SCHIP1: variants seen among roughly 807,000 people sequenced by gnomAD.
SCHIP1 encodes the protein schwannomin-interacting protein 1.
SCHIP1 carries 8 observed loss-of-function variants against 29.7 expected under a neutral mutation model. The observed-to-expected ratio is 0.27, with a 90% CI of 0.16 to 0.49. The LOEUF (loss-of-function observed/expected upper bound fraction) is 0.49, where lower values mean the gene tolerates loss of function less well. SCHIP1 is among the 20% of genes least tolerant of loss of function. SCHIP1 has a pLI of 0.99. For synonymous variants in SCHIP1, 76 were observed against 94.9 expected (o/e 0.80, Z 1.16); for missense variants, 193 against 294.6 (o/e 0.66, Z 2.52).
chr3:159,826,711 A>G, the SCHIP1 span, among the ~76,000 whole-genome samples: 1 of 152,252 alleles, frequency 6.6e-6, no homozygotes, highest in African/African-American at 2.4e-5. Context: ...GCTGAAACTC[A>G]GAAGGACTGC....
chr3:159,288,064 G>A, the SCHIP1 span, among the ~76,000 whole-genome samples: 2 of 152,196 alleles, frequency 1.3e-5, no homozygotes, highest in South Asian at 2.1e-4. Context: ...TATGGTGTCC[G>A]ATTTGATCTT....
the SCHIP1 span, among the ~76,000 whole-genome samples, chr3:159,449,407 A>G: frequency 3.9e-5 from 6 of 152,182 alleles, no homozygotes; most frequent in Non-Finnish European, 8.8e-5. Flanking sequence ...TTATTAAAGC[A>G]CTATTAAAGA....
the SCHIP1 span, among the ~76,000 whole-genome samples, chr3:159,585,900 G>A: frequency 3.9e-5 from 6 of 151,938 alleles, no homozygotes; most frequent in African/African-American, 1.5e-4. Flanking sequence ...ATTTTTAAAG[G>A]GGAATCCTTT....
At chr3:159,745,652 C>G in the SCHIP1 span, among the ~76,000 whole-genome samples, 3 of 152,202 alleles carry the variant, frequency 2.0e-5, no homozygotes, top group Non-Finnish European at 4.4e-5. Context: ...TTAGTTTACA[C>G]ATTTTAAAAT....
chr3:159,476,392 G>A, the SCHIP1 span, among the ~76,000 whole-genome samples: 3 of 152,048 alleles, frequency 2.0e-5, no homozygotes, highest in Admixed American at 1.3e-4. Context: ...ATTCTATAAT[G>A]TCTTAAATTC....
chr3:159,843,085 G>T (rs572484766), intron 1 of SCHIP1, among the ~76,000 whole-genome samples: 8 of 137,552 alleles, frequency 5.8e-5, no homozygotes, highest in African/African-American at 2.1e-4. Flanking sequence ...AATCTCAGTG[G>T]CGCAATCAAA....
chr3:159,387,745 C>T, the SCHIP1 span, among the ~76,000 whole-genome samples: 1 of 152,134 alleles, frequency 6.6e-6, no homozygotes, highest in African/African-American at 2.4e-5. Context: ...TACACACACA[C>T]CACACAAACA....
chr3:159,399,581 T>G, the SCHIP1 span, among the ~76,000 whole-genome samples: 1 of 152,280 alleles, frequency 6.6e-6, no homozygotes, highest in South Asian at 2.1e-4. Context: ...AGCCCCTATT[T>G]CTATCAATCA....
At chr3:159,283,314 G>T in the SCHIP1 span, among the ~76,000 whole-genome samples, 1 of 152,046 alleles carries the variant, frequency 6.6e-6, no homozygotes, top group African/African-American at 2.4e-5. Flanking sequence ...CACCATGCCC[G>T]GCTAATTTTT....
chr3:159,495,377 T>A, the SCHIP1 span, among the ~76,000 whole-genome samples: 1 of 152,186 alleles, frequency 6.6e-6, no homozygotes, highest in South Asian at 2.1e-4. Flanking sequence ...CAGCCCAAAA[T>A]TTCCTTAAGC....
At chr3:159,422,524 C>T in the SCHIP1 span, among the ~76,000 whole-genome samples, 3 of 152,032 alleles carry the variant, frequency 2.0e-5, no homozygotes, top group Non-Finnish European at 4.4e-5. Flanking sequence ...AGTGAATTCC[C>T]ACAACCTGAA....
At chr3:159,889,731 A>G (rs1360311687) in intron 5 of SCHIP1, among the ~76,000 whole-genome samples, 2 of 152,246 alleles carry the variant, frequency 1.3e-5, no homozygotes, top group African/African-American at 4.8e-5. Flanking sequence ...AAATGTGAAT[A>G]CTAACTGAAT....
the SCHIP1 span, among the ~76,000 whole-genome samples, chr3:159,342,871 C>G: frequency 6.6e-6 from 1 of 151,870 alleles, no homozygotes; most frequent in Middle Eastern, 3.2e-3. Context: ...TTTTTTAATA[C>G]CCATTGTTTA....
chr3:159,762,300 C>A, the SCHIP1 span, among the ~76,000 whole-genome samples: 14 of 152,198 alleles, frequency 9.2e-5, no homozygotes, highest in Admixed American at 3.3e-4. Context: ...ATTGCTGCTT[C>A]CAGAGGAGTT....
chr3:159,375,761 CTGTT>C, the SCHIP1 span: 2 of 754,850 alleles, frequency 2.6e-6, no homozygotes, highest in African/African-American at 4.4e-5. Flanking sequence ...AATAAATAAA[CTGTT>C]TGATACATTT....
At chr3:159,295,084 TC>T in the SCHIP1 span, among the ~76,000 whole-genome samples, 1 of 151,768 alleles carries the variant, frequency 6.6e-6, no homozygotes, top group Non-Finnish European at 1.5e-5. Flanking sequence ...AATATAAAGG[TC>T]AAACCTCACA....
At chr3:159,808,686 G>A in the SCHIP1 span, 1 of 152,248 alleles carries the variant, frequency 6.6e-6, no homozygotes, top group Non-Finnish European at 1.5e-5. Context: ...GATATAAGGA[G>A]TCTGGGTCTC....
chr3:159,385,381 A>T, the SCHIP1 span, among the ~76,000 whole-genome samples: 1 of 152,174 alleles, frequency 6.6e-6, no homozygotes, highest in African/African-American at 2.4e-5. Flanking sequence ...AACATGGCAA[A>T]ATCCAGTCTC....
chr3:159,871,352 T>G (rs1715251525), intron 2 of SCHIP1, among the ~76,000 whole-genome samples: 3 of 101,660 alleles, frequency 3.0e-5, no homozygotes, highest in African/African-American at 4.1e-5. Context: ...TACCCTGATT[T>G]GTTTGTTGGG....
Sources: gnomAD v4.1 joint callset for allele counts (sites outside exome capture counted in the v4.1 genomes callset) on GRCh38, gnomAD v4.1.1 for gene constraint, MANE v1.5 for transcripts, NCBI Gene and HGNC (gene_info 2026-07-23, HGNC 2026-07-21) for gene names.